FAM120C: variants seen among roughly 807,000 people sequenced by gnomAD.
FAM120C encodes constitutive coactivator of PPAR-gamma-like protein 2.
Under a neutral mutation model 71.2 loss-of-function variants are expected in FAM120C, and 14 were observed. The observed-to-expected ratio is 0.20, with a 90% confidence interval of 0.13 to 0.31. The LOEUF (loss-of-function observed/expected upper bound fraction) is 0.31. FAM120C is among the 10% of genes least tolerant of loss of function. The pLI is 1.00. For synonymous variants in FAM120C, 354 were observed against 353.2 expected, an observed-to-expected ratio of 1.00 and a Z score of -0.03; for missense variants, 500 against 879.0, an observed-to-expected ratio of 0.57 and a Z score of 5.45.
intron 4 of FAM120C, among the ~76,000 whole-genome samples, chrX:54,148,894 C>G (rs1557132688): frequency 8.9e-6 from 1 of 111,770 alleles, no homozygotes; most frequent in African/African-American, 3.2e-5. Flanking sequence ...TTTAGCCATT[C>G]TATGATGTAT....
chrX:54,171,155 G>A (rs1471920934), intron 1 of FAM120C, among the ~76,000 whole-genome samples: 1 of 111,968 alleles, frequency 8.9e-6, no homozygotes, highest in East Asian at 2.8e-4. Flanking sequence ...AGCACTTTGG[G>A]AGGCTGAGGC....
At chrX:54,140,015 C>T (rs996810536) in intron 4 of FAM120C, among the ~76,000 whole-genome samples, 2 of 111,163 alleles carry the variant, frequency 1.8e-5, no homozygotes, top group Non-Finnish European at 3.8e-5. Flanking sequence ...GGTTCCCGGC[C>T]GGGCACGGTG....
intron 4 of FAM120C, among the ~76,000 whole-genome samples, chrX:54,145,808 T>A (rs1304650606): frequency 4.5e-5 from 5 of 111,977 alleles, no homozygotes; most frequent in African/African-American, 1.6e-4. Context: ...CATTACTGGG[T>A]ATATACCCAA....
At chrX:54,097,314 G>A (rs2066856944) in intron 10 of FAM120C, among the ~76,000 whole-genome samples, 2 of 111,997 alleles carry the variant, frequency 1.8e-5, no homozygotes, top group Admixed American at 1.9e-4. Context: ...TGGATGACTA[G>A]GAGACTACCT....
At chrX:54,125,933 A>G (rs1386053232) in intron 9 of FAM120C, among the ~76,000 whole-genome samples, 1 of 112,347 alleles carries the variant, frequency 8.9e-6, no homozygotes, top group Non-Finnish European at 1.9e-5. Context: ...GATTTTCAAC[A>G]CCTTTTGTTA....
At chrX:54,130,017 AGGGAGAGGGAGACCCTG>A (rs1475330356) in intron 9 of FAM120C, among the ~76,000 whole-genome samples, 4 of 95,326 alleles carry the variant, frequency 4.2e-5, no homozygotes, top group Non-Finnish European at 8.3e-5. Flanking sequence ...GTGGAAAGAG[AGGGAGAGGGAGACCCTG>A]GGGAGAGGGA....
intron 1 of FAM120C, 101 bp downstream of exon 1, chrX:54,182,399 G>A (rs1319853570): frequency 3.0e-6 from 3 of 990,820 alleles, no homozygotes; most frequent in Non-Finnish European, 2.7e-6. Context: ...TGGGTGGGTA[G>A]ATGGGAGGTA....
At chrX:54,113,959 T>C (rs1033504059) in intron 10 of FAM120C, among the ~76,000 whole-genome samples, 5 of 110,923 alleles carry the variant, frequency 4.5e-5, no homozygotes, top group Non-Finnish European at 7.5e-5. Flanking sequence ...TGTATGTTTA[T>C]TGCAGTACTA....
intron 7 of FAM120C, 88 bp from the exon 8 acceptor site, chrX:54,134,134 G>T (rs1051940694): frequency 2.3e-5 from 22 of 968,965 alleles, no homozygotes; most frequent in Non-Finnish European, 2.9e-5. Flanking sequence ...GACCCAAGGG[G>T]TCTCACAAAC....
rs555530772 is a variant in FAM120C at position 54,171,712 on chromosome X, G to C, written c.699+10788C>G. 4.5e-5 allele frequency: 5 copies of C among 111,801 alleles called. No individual in the cohort carries two copies. In the East Asian group the frequency reaches 1.1e-3, roughly 25 times the overall value. 9.2% of individuals were successfully genotyped at this position (111,801 alleles called of 1,213,427 possible). On this transcript the variant is annotated intron_variant, in intron 1 of 15. Coordinates refer to ENST00000375180, the MANE Select transcript of FAM120C (RefSeq NM_017848.6). ...TCCTATTTCATAATGGAAAACAGCT[G>C]TTTAGAAATGTAGGCATTTCCAAAC...
In FAM120C at chrX:54,182,590, G is replaced by T. The variant is rs144201658; in HGVS notation, c.609C>A (p.Asn203Lys). ...AGGCCCGCGGTGGAGGGGTGCCCTT[G>T]TTGCCCACGTGTCCCACGATCAGTT... ...TAQLIVGHVG[N>K]KGTPPPRAWF... Residue 203 changes from asparagine (N) to lysine (K), a missense_variant, in exon 1 of 16, where the codon AAC becomes AAA. Coordinates refer to ENST00000375180, the MANE Select transcript of FAM120C (RefSeq NM_017848.6). The T allele has an allele frequency of 3.3e-6, 4 of 1,208,156 alleles. No individual in the cohort carries two copies. The highest frequency in any genetic ancestry group is 1.7e-5 in the African/African-American group (1 of 57,470).
At position 54,134,813 on chromosome X, in the gene FAM120C, G is replaced by A. The variant is rs2067085810; in HGVS notation, c.1616+18C>T. 4 of 1,196,308 alleles carry A rather than the reference G, an allele frequency of 3.3e-6. No individual in the cohort carries two copies. The highest frequency in any genetic ancestry group is 3.5e-5 in the African/African-American group (2 of 57,517). On this transcript the variant is annotated intron_variant, in intron 7 of 15. Transcript: ENST00000375180. ...GCCTCAGAAATCTACTTCCTTAGGT[G>A]TCTACAGAGATACTTACTCAGAGCT...
At chrX:54,132,982 T>G in intron 8 of FAM120C, 119 bp from the exon 9 acceptor site, 1 of 532,481 alleles carries the variant, frequency 1.9e-6, no homozygotes, top group Non-Finnish European at 2.8e-6. Context: ...TATTTGTATT[T>G]AGACAGTTTC....
chrX:54,131,862 T>C (rs782470382), intron 9 of FAM120C, among the ~76,000 whole-genome samples: 11 of 108,642 alleles, frequency 1.0e-4, no homozygotes, highest in Non-Finnish European at 2.1e-4. Context: ...CCCAGGTTCA[T>C]GCCATTCTCC....
At chrX:54,139,153 A>G (rs1437536423) in intron 4 of FAM120C, among the ~76,000 whole-genome samples, 4 of 110,882 alleles carry the variant, frequency 3.6e-5, no homozygotes, top group Non-Finnish European at 5.7e-5. Flanking sequence ...CGTTTTCACA[A>G]ACTCTTGACA....
intron 10 of FAM120C, among the ~76,000 whole-genome samples, chrX:54,107,342 C>T (rs1192547577): frequency 9.2e-6 from 1 of 108,984 alleles, no homozygotes; most frequent in African/African-American, 3.3e-5. Context: ...GGTGATCCAC[C>T]CGCCTCAGCC....
chrX:54,141,567 A>G (rs1687552118), intron 4 of FAM120C, among the ~76,000 whole-genome samples: 1 of 110,678 alleles, frequency 9.0e-6, no homozygotes, highest in African/African-American at 3.3e-5. Flanking sequence ...GGAACAAGAT[A>G]AGAATATATA....
chrX:54,112,272 C>T (rs1181147093), intron 10 of FAM120C, among the ~76,000 whole-genome samples: 5 of 110,082 alleles, frequency 4.5e-5, no homozygotes, highest in Non-Finnish European at 7.6e-5. Context: ...CAAAACTTAG[C>T]GGGGAAGGGT....
rs1289983628 is a variant in FAM120C at position 54,072,061 on chromosome X, CTG to C, written c.*970_*971del. The C allele has an allele frequency of 3.9e-5, 4 of 103,302 alleles. No homozygotes were observed. The allele number at this position is 103,302 out of a possible 1,213,427, so 8.5% of individuals were successfully genotyped here. ...ATAAAATATGTATAGATAAATAGATCTGTCTCTTTATATAAAGGGTATGTGTA... is the reference window on the plus strand; with the variant it reads ...ATAAAATATGTATAGATAAATAGATCTCTCTTTATATAAAGGGTATGTGTA... On this transcript the variant is annotated 3_prime_UTR_variant, in exon 16 of 16. Transcript: ENST00000375180.
Sources: gnomAD v4.1 joint callset for allele counts (sites outside exome capture counted in the v4.1 genomes callset) on GRCh38, gnomAD v4.1.1 for gene constraint, MANE v1.5 for transcripts, NCBI Gene and HGNC (gene_info 2026-07-23, HGNC 2026-07-21) for gene names.